FBXO11: variants seen among roughly 807,000 people sequenced by gnomAD.
FBXO11 encodes F-box only protein 11.
Under a neutral mutation model 117.0 loss-of-function variants are expected in FBXO11, and 13 were observed. The ratio of observed to expected loss-of-function variants is 0.11; its 90% CI spans 0.07 to 0.18. The LOEUF is 0.18. Ranked by LOEUF, FBXO11 falls within the 10% of genes least tolerant of loss-of-function variation. The pLI is 1.00. For synonymous variants in FBXO11, 490 were observed against 380.5 expected, an observed-to-expected ratio of 1.29 and a Z score of -3.35; for missense variants, 767 against 1,164.4, an observed-to-expected ratio of 0.66 and a Z score of 4.97.
chr2:47,859,632 G>A (rs900665861), intron 1 of FBXO11, among the ~76,000 whole-genome samples: 2 of 152,144 alleles, frequency 1.3e-5, no homozygotes, highest in Non-Finnish European at 2.9e-5. Context: ...CTTATTTGCA[G>A]CCCTCAAAGT....
chr2:47,855,030 T>C (rs759540547), intron 1 of FBXO11, among the ~76,000 whole-genome samples: 1 of 152,104 alleles, frequency 6.6e-6, no homozygotes, highest in Non-Finnish European at 1.5e-5. Context: ...AGGGTGGTGG[T>C]AGTAAGAATA....
At chr2:47,847,726 T>C (rs953108130) in intron 1 of FBXO11, among the ~76,000 whole-genome samples, 1 of 148,394 alleles carries the variant, frequency 6.7e-6, no homozygotes, top group Non-Finnish European at 1.5e-5. Flanking sequence ...AAACAAAATA[T>C]GGTATCATAA....
chr2:47,865,090 T>C (rs1305943184), intron 1 of FBXO11, among the ~76,000 whole-genome samples: 2 of 152,234 alleles, frequency 1.3e-5, no homozygotes, highest in Non-Finnish European at 2.9e-5. Flanking sequence ...ATTGTAGATA[T>C]ACATGAACCA....
chr2:47,855,985 C>T (rs947318063), intron 1 of FBXO11, among the ~76,000 whole-genome samples: 2 of 152,134 alleles, frequency 1.3e-5, no homozygotes, highest in African/African-American at 2.4e-5. Flanking sequence ...GGGGTGCACA[C>T]GTGCAGTTCC....
At chr2:47,859,176 G>A (rs1674559039) in intron 1 of FBXO11, among the ~76,000 whole-genome samples, 1 of 151,974 alleles carries the variant, frequency 6.6e-6, no homozygotes, top group South Asian at 2.1e-4. Context: ...GTAATTTAAA[G>A]CCACTCTTCA....
intron 1 of FBXO11, among the ~76,000 whole-genome samples, chr2:47,875,390 T>G (rs952592210): frequency 7.9e-5 from 12 of 152,136 alleles, no homozygotes; most frequent in African/African-American, 2.7e-4. Flanking sequence ...TTTTATACGT[T>G]TTTGAAGTAG....
chr2:47,826,437 G>C (rs1332697785), intron 11 of FBXO11, among the ~76,000 whole-genome samples: 1 of 152,026 alleles, frequency 6.6e-6, no homozygotes, highest in Non-Finnish European at 1.5e-5. Context: ...AATTCTTTTA[G>C]CTGATTCTTT....
At chr2:47,895,342 C>T (rs1198986809) in intron 1 of FBXO11, among the ~76,000 whole-genome samples, 1 of 152,118 alleles carries the variant, frequency 6.6e-6, no homozygotes, top group African/African-American at 2.4e-5. Context: ...AAAACTAATG[C>T]TACAAGCAGC....
At chr2:47,808,965 AG>A in intron 21 of FBXO11, 192 bp downstream of exon 21, 1 of 451,150 alleles carries the variant, frequency 2.2e-6, no homozygotes. Flanking sequence ...CCAAAGTGCT[AG>A]GATTACAGGC....
chr2:47,827,077 T>G (rs547303846), intron 11 of FBXO11, among the ~76,000 whole-genome samples: 2 of 152,302 alleles, frequency 1.3e-5, no homozygotes, highest in Admixed American at 6.5e-5. Flanking sequence ...CCATCAAATA[T>G]GGAGTTTATA....
chr2:47,829,132 G>C (rs1196239124), intron 11 of FBXO11, among the ~76,000 whole-genome samples: 1 of 151,678 alleles, frequency 6.6e-6, no homozygotes, highest in African/African-American at 2.4e-5. Context: ...TGGGCTCAAG[G>C]GATCTGCCTA....
chr2:47,831,927 A>C (rs1385787307), intron 11 of FBXO11, among the ~76,000 whole-genome samples: 1 of 152,212 alleles, frequency 6.6e-6, no homozygotes, highest in Non-Finnish European at 1.5e-5. Context: ...TATTTCTCAA[A>C]GTATACTCTA....
rs1349504139 is a variant in FBXO11, at chr2:47,905,629, G to GGCT, written c.89_91dup (p.Gln30dup). The GGCT allele has an allele frequency of 8.6e-6, 12 of 1,392,680 alleles. No individual in the cohort carries two copies. Among genetic ancestry groups the GGCT allele is most frequent in the Middle Eastern group, 2.6e-4 (1 of 3,834 alleles). 86.3% of individuals were successfully genotyped at this position (1,392,680 alleles called of 1,614,324 possible). A position where few individuals can be genotyped will look rare whatever the true frequency, so the allele number is the denominator to read the frequency against. ...CTGCTGCTGGGGCGGCTGCGGCGGC[G>GGCT]GCTGCTGCGGGGGCTGCTGCTGCTG... is the stretch of plus-strand genomic sequence containing the variant. On this transcript the variant is annotated inframe_insertion, in exon 1 of 23. Coordinates refer to ENST00000403359, the MANE Select transcript of FBXO11 (RefSeq NM_001190274.2).
At chr2:47,897,937 G>A (rs964869293) in intron 1 of FBXO11, among the ~76,000 whole-genome samples, 19 of 152,168 alleles carry the variant, frequency 1.2e-4, no homozygotes, top group African/African-American at 4.3e-4. Context: ...ACAAAAAAAA[G>A]GATGAATGAC....
At position 47,826,435 on chromosome 2, in the gene FBXO11, T is replaced by C. The variant is rs1461246328; in HGVS notation, c.1399-3075A>G. On this transcript the variant is annotated intron_variant, in intron 11 of 22. Transcript: ENST00000403359. ...CAGAGGGCCCCACTTTTAATTCTTT[T>C]AGCTGATTCTTTTGATTCACATCTA... Among the ~76,000 whole-genome samples the C allele has an allele frequency of 1.7e-4, 26 of 152,206 alleles. 2 individuals are homozygous for C. The highest frequency in any genetic ancestry group is 1.6e-3 in the Admixed American group (25 of 15,270).
At chr2:47,893,120 C>T (rs929471476) in intron 1 of FBXO11, among the ~76,000 whole-genome samples, 2 of 151,740 alleles carry the variant, frequency 1.3e-5, no homozygotes, top group Admixed American at 6.6e-5. Context: ...CACCACTGCA[C>T]TCCAGCCTGG....
At chr2:47,879,526 A>T (rs1676282782) in intron 1 of FBXO11, among the ~76,000 whole-genome samples, 1 of 152,170 alleles carries the variant, frequency 6.6e-6, no homozygotes, top group Non-Finnish European at 1.5e-5. Flanking sequence ...TTAGCTTAAA[A>T]GCCACTTATA....
chr2:47,809,028 A>AG, intron 21 of FBXO11, 130 bp downstream of exon 21: 1 of 589,528 alleles, frequency 1.7e-6, no homozygotes, highest in East Asian at 3.0e-5. Context: ...ATCTTCAAGT[A>AG]GATTGATGAT....
In FBXO11 at chr2:47,822,321, A is replaced by G; in HGVS notation, c.1617-18T>C. ...AATTTCCCCTATAATTATGCGAAAT[A>G]AAAAAAAAGAAGACATCTATTCAGC... On this transcript the variant is annotated intron_variant, in intron 12 of 22. Transcript: ENST00000403359. 2 of 1,395,418 alleles carry G rather than the reference A, an allele frequency of 1.4e-6. No homozygotes were observed. The highest frequency in any genetic ancestry group is 2.9e-5 in the African/African-American group (2 of 68,134). 86.4% of individuals were successfully genotyped at this position (1,395,418 alleles called of 1,614,324 possible). A position where few individuals can be genotyped will look rare whatever the true frequency, so the allele number is the denominator to read the frequency against.
Sources: gnomAD v4.1 joint callset for allele counts (sites outside exome capture counted in the v4.1 genomes callset) on GRCh38, gnomAD v4.1.1 for gene constraint, MANE v1.5 for transcripts, NCBI Gene and HGNC (gene_info 2026-07-23, HGNC 2026-07-21) for gene names.